Variants in TACR3 observed in about 807,000 individuals in gnomAD.
TACR3 encodes tachykinin receptor 3.
Under a neutral mutation model 35.0 loss-of-function variants are expected in TACR3, and 34 were observed. That is an observed-to-expected ratio of 0.97 (90% CI 0.74 to 1.30). TACR3 has a LOEUF of 1.30. TACR3 is among the 50% of genes most tolerant of loss of function. The pLI is 0.00. For missense variants in TACR3, 558 were observed against 591.7 expected, an observed-to-expected ratio of 0.94 and a Z score of 0.59; for synonymous variants, 233 against 221.1, an observed-to-expected ratio of 1.05 and a Z score of -0.48.
At chr4:103,670,486 G>T (rs971971086) in intron 1 of TACR3, among the ~76,000 whole-genome samples, 4 of 151,664 alleles carry the variant, frequency 2.6e-5, no homozygotes, top group Non-Finnish European at 5.9e-5. Context: ...TCCCATTTTT[G>T]GTGTCCTCTT....
At chr4:103,597,845 T>C (rs1724074953) in intron 3 of TACR3, among the ~76,000 whole-genome samples, 1 of 152,174 alleles carries the variant, frequency 6.6e-6, no homozygotes. Context: ...CTTAATTCAG[T>C]CTATTGTTTT....
chr4:103,612,734 T>G (rs1724538460), intron 3 of TACR3, among the ~76,000 whole-genome samples: 1 of 152,134 alleles, frequency 6.6e-6, no homozygotes, highest in African/African-American at 2.4e-5. Flanking sequence ...GGTCTCAAAC[T>G]CCTGACCTCA....
intron 1 of TACR3, among the ~76,000 whole-genome samples, chr4:103,713,375 A>G (rs1723014912): frequency 1.3e-5 from 2 of 151,032 alleles, no homozygotes; most frequent in South Asian, 4.2e-4. Context: ...TGCAATGACA[A>G]AAAACCAAAC....
At chr4:103,629,587 T>A (rs149604360) in intron 3 of TACR3, among the ~76,000 whole-genome samples, 16,871 of 151,988 alleles carry the variant, frequency 0.11, 966 homozygotes, top group African/African-American at 0.13. Context: ...TTACAAGGGA[T>A]GTGGAGGACC....
intron 1 of TACR3, among the ~76,000 whole-genome samples, chr4:103,670,089 G>A (rs1381101014): frequency 2.6e-5 from 4 of 151,878 alleles, no homozygotes; most frequent in Middle Eastern, 3.2e-3. Context: ...TGTCAAACTT[G>A]TCATTTCCCC....
chr4:103,675,292 T>A (rs1726144874), intron 1 of TACR3, among the ~76,000 whole-genome samples: 1 of 152,190 alleles, frequency 6.6e-6, no homozygotes, highest in Non-Finnish European at 1.5e-5. Flanking sequence ...TTAAAAATAT[T>A]TTCCTACGTC....
At chr4:103,706,285 T>G (rs10007754) in intron 1 of TACR3, among the ~76,000 whole-genome samples, 50,187 of 152,004 alleles carry the variant, frequency 0.33, 12,815 homozygotes, top group African/African-American at 0.71. Context: ...ATCAAAGAAG[T>G]GTTACCAATG....
At chr4:103,617,733 T>A (rs1367856789) in intron 3 of TACR3, among the ~76,000 whole-genome samples, 1 of 152,160 alleles carries the variant, frequency 6.6e-6, no homozygotes, top group African/African-American at 2.4e-5. Flanking sequence ...TGAGTCATGG[T>A]TTAAGAAAAA....
intron 1 of TACR3, among the ~76,000 whole-genome samples, chr4:103,712,738 T>C (rs1284094324): frequency 1.3e-5 from 2 of 152,130 alleles, no homozygotes; most frequent in African/African-American, 4.8e-5. Flanking sequence ...GACAAAGGGC[T>C]AATATCCAGA....
intron 3 of TACR3, among the ~76,000 whole-genome samples, chr4:103,629,559 A>T (rs930098233): frequency 5.1e-4 from 77 of 152,252 alleles, no homozygotes; most frequent in African/African-American, 1.7e-3. Context: ...AAGAGAATAA[A>T]ATACCTGGGA....
intron 1 of TACR3, among the ~76,000 whole-genome samples, chr4:103,678,142 C>G (rs1309440152): frequency 6.6e-6 from 1 of 151,986 alleles, no homozygotes; most frequent in Non-Finnish European, 1.5e-5. Flanking sequence ...CTCAGTGATT[C>G]AAGGATTAAA....
chr4:103,608,068 A>G (rs1427062567), intron 3 of TACR3, among the ~76,000 whole-genome samples: 2 of 152,178 alleles, frequency 1.3e-5, no homozygotes, highest in African/African-American at 4.8e-5. Context: ...ATACATACCT[A>G]AAAGAAAATA....
chr4:103,603,388 G>C (rs544602208), intron 3 of TACR3, among the ~76,000 whole-genome samples: 2 of 152,226 alleles, frequency 1.3e-5, no homozygotes, highest in African/African-American at 4.8e-5. Context: ...TGCACGGTGC[G>C]CTGCACCCAC....
At chr4:103,631,364 T>C (rs548216291) in intron 3 of TACR3, among the ~76,000 whole-genome samples, 6 of 152,054 alleles carry the variant, frequency 3.9e-5, no homozygotes, top group Non-Finnish European at 8.8e-5. Flanking sequence ...TAGTTCCTTT[T>C]TACTGATTAG....
intron 3 of TACR3, among the ~76,000 whole-genome samples, chr4:103,650,276 C>T (rs879917145): frequency 6.6e-6 from 1 of 151,662 alleles, no homozygotes; most frequent in Non-Finnish European, 1.5e-5. Flanking sequence ...ACTGGAACTG[C>T]ATTGGGTCAC....
intron 1 of TACR3, among the ~76,000 whole-genome samples, chr4:103,704,241 G>C (rs148375313): frequency 6.6e-6 from 1 of 152,088 alleles, no homozygotes; most frequent in East Asian, 1.9e-4. Context: ...GTCATGCTGA[G>C]GGCAAAGTTT....
chr4:103,686,430 GA>G (rs1372485567), intron 1 of TACR3, among the ~76,000 whole-genome samples: 2 of 151,778 alleles, frequency 1.3e-5, no homozygotes, highest in African/African-American at 4.8e-5. Flanking sequence ...ATAAACACAA[GA>G]AAAAAACTGA....
chr4:103,620,514 T>C (rs1302101444), intron 3 of TACR3, among the ~76,000 whole-genome samples: 2 of 152,288 alleles, frequency 1.3e-5, no homozygotes, highest in East Asian at 1.9e-4. Context: ...CCATTAATGA[T>C]AGAGTACAAT....
At chr4:103,703,103 G>A (rs888645811) in intron 1 of TACR3, among the ~76,000 whole-genome samples, 1 of 151,940 alleles carries the variant, frequency 6.6e-6, no homozygotes, top group African/African-American at 2.4e-5. Flanking sequence ...TACCTCAAAA[G>A]TATTTAAACA....
Sources: gnomAD v4.1 joint callset for allele counts (sites outside exome capture counted in the v4.1 genomes callset) on GRCh38, gnomAD v4.1.1 for gene constraint, MANE v1.5 for transcripts, NCBI Gene and HGNC (gene_info 2026-07-23, HGNC 2026-07-21) for gene names.